HMGA2: variants seen among roughly 807,000 people sequenced by gnomAD.
HMGA2 encodes high mobility group AT-hook 2, also known as high mobility group protein HMGI-C.
In HMGA2, 8 loss-of-function variants were observed where a neutral mutation model predicts 19.1. That is an observed-to-expected ratio of 0.42 (90% CI 0.25 to 0.76). HMGA2 has a LOEUF of 0.76. Ranked by LOEUF, HMGA2 falls within the 30% of genes least tolerant of loss-of-function variation. The pLI is 0.28. For missense variants in HMGA2, 109 were observed against 136.3 expected, an observed-to-expected ratio of 0.80 and a Z score of 1.00; for synonymous variants, 60 against 48.8, an observed-to-expected ratio of 1.23 and a Z score of -0.96.
At chr12:65,910,076 A>G (rs1316057572) in intron 3 of HMGA2, among the ~76,000 whole-genome samples, 1 of 152,224 alleles carries the variant, frequency 6.6e-6, no homozygotes, top group East Asian at 1.9e-4. Flanking sequence ...GAGAGAGCAT[A>G]CACTAGAGAA....
chr12:65,932,549 A>G (rs897792612), intron 3 of HMGA2, among the ~76,000 whole-genome samples: 22 of 152,248 alleles, frequency 1.4e-4, no homozygotes, highest in Non-Finnish European at 5.9e-5. Context: ...ATGAATAAAC[A>G]AGTTCAATGG....
intron 3 of HMGA2, among the ~76,000 whole-genome samples, chr12:65,936,993 A>G (rs1191202831): frequency 6.6e-6 from 1 of 152,180 alleles, no homozygotes; most frequent in African/African-American, 2.4e-5. Flanking sequence ...AAGCCCAGTG[A>G]GTTATTTGGA....
At chr12:65,952,746 C>T (rs1876499586) in intron 4 of HMGA2, 1 of 208,562 alleles carries the variant, frequency 4.8e-6, no homozygotes, top group Non-Finnish European at 9.7e-6. Flanking sequence ...TAATTCTGTG[C>T]ATTTGAGTCA....
intron 3 of HMGA2, chr12:65,856,003 T>C (rs1309120900): frequency 6.6e-6 from 1 of 152,136 alleles, no homozygotes; most frequent in Non-Finnish European, 1.5e-5. Flanking sequence ...ACAAAAATCA[T>C]GCTTTTGAAT....
At chr12:65,873,561 A>G (rs1157710492) in intron 3 of HMGA2, among the ~76,000 whole-genome samples, 1 of 152,206 alleles carries the variant, frequency 6.6e-6, no homozygotes, top group Non-Finnish European at 1.5e-5. Flanking sequence ...CATATATTAT[A>G]CTTTAATTTC....
chr12:65,881,675 T>C, intron 3 of HMGA2: 1 of 689,190 alleles, frequency 1.5e-6, no homozygotes, highest in South Asian at 1.5e-5. Flanking sequence ...AGGGGAGAAA[T>C]ATGAGAGGAG....
chr12:65,880,678 A>G (rs374318902), intron 3 of HMGA2, among the ~76,000 whole-genome samples: 44 of 152,190 alleles, frequency 2.9e-4, no homozygotes, highest in African/African-American at 1.0e-3. Context: ...TTAAGACCTC[A>G]TCGATATCTC....
chr12:65,885,762 A>T (rs1346622951), intron 3 of HMGA2, among the ~76,000 whole-genome samples: 1 of 152,228 alleles, frequency 6.6e-6, no homozygotes, highest in East Asian at 1.9e-4. Context: ...TAATAACAAC[A>T]ATGATAAGAA....
At chr12:65,952,742 T>C (rs1251220581) in intron 4 of HMGA2, 1 of 215,692 alleles carries the variant, frequency 4.6e-6, no homozygotes, top group African/African-American at 2.3e-5. Context: ...TTGATAATTC[T>C]GTGCATTTGA....
intron 2 of HMGA2, among the ~76,000 whole-genome samples, chr12:65,835,099 C>A (rs1185608354): frequency 6.6e-6 from 1 of 152,112 alleles, no homozygotes; most frequent in Non-Finnish European, 1.5e-5. Flanking sequence ...ATTAGTTATG[C>A]CTCTGTTATA....
At chr12:65,830,098 T>TA (rs1335019952) in intron 2 of HMGA2, among the ~76,000 whole-genome samples, 1 of 151,982 alleles carries the variant, frequency 6.6e-6, no homozygotes, top group Non-Finnish European at 1.5e-5. Context: ...CCTCTTGTAA[T>TA]AAAAATGAAT....
At chr12:65,915,674 C>A (rs1875073208) in intron 3 of HMGA2, 2 of 442,700 alleles carry the variant, frequency 4.5e-6, no homozygotes, top group Non-Finnish European at 6.2e-6. Context: ...ATGACTTCTG[C>A]CAGTTCCAGC....
intron 3 of HMGA2, among the ~76,000 whole-genome samples, chr12:65,940,835 A>C (rs1444198506): frequency 6.6e-6 from 1 of 152,178 alleles, no homozygotes; most frequent in Non-Finnish European, 1.5e-5. Context: ...ACTTCTGTAC[A>C]TGGTTGTTGT....
chr12:65,892,826 A>G (rs1424565331), intron 3 of HMGA2, among the ~76,000 whole-genome samples: 8 of 152,230 alleles, frequency 5.3e-5, no homozygotes, highest in African/African-American at 1.9e-4. Flanking sequence ...TATTTCAACC[A>G]AATGATGCTG....
At chr12:65,893,204 A>C (rs1370536449) in intron 3 of HMGA2, among the ~76,000 whole-genome samples, 1 of 152,206 alleles carries the variant, frequency 6.6e-6, no homozygotes. Flanking sequence ...CTGTTAGTAC[A>C]GGAGGACCTT....
chr12:65,848,815 C>T (rs1871335634), intron 3 of HMGA2, among the ~76,000 whole-genome samples: 1 of 152,044 alleles, frequency 6.6e-6, no homozygotes, highest in Admixed American at 6.5e-5. Context: ...GAGATTGCGC[C>T]ACTGCAGTCC....
chr12:65,892,552 T>A (rs1873955896), intron 3 of HMGA2, among the ~76,000 whole-genome samples: 1 of 152,208 alleles, frequency 6.6e-6, no homozygotes, highest in Non-Finnish European at 1.5e-5. Flanking sequence ...TTGTTAGACA[T>A]TTTTGTAAGG....
chr12:65,831,749 C>T (rs2854603), intron 2 of HMGA2, among the ~76,000 whole-genome samples: 1 of 151,682 alleles, frequency 6.6e-6, no homozygotes, highest in Admixed American at 6.6e-5. Flanking sequence ...TAATCATTAC[C>T]CACACCAATC....
chr12:65,911,884 C>A (rs773099513), intron 3 of HMGA2, among the ~76,000 whole-genome samples: 56 of 152,144 alleles, frequency 3.7e-4, no homozygotes, highest in Non-Finnish European at 6.8e-4. Context: ...TGTTTATTAA[C>A]AATTCCATTC....
Sources: gnomAD v4.1 joint callset for allele counts (sites outside exome capture counted in the v4.1 genomes callset) on GRCh38, gnomAD v4.1.1 for gene constraint, MANE v1.5 for transcripts, NCBI Gene and HGNC (gene_info 2026-07-23, HGNC 2026-07-21) for gene names.